Variants in MEI4 observed in about 807,000 individuals in gnomAD.
MEI4 encodes the protein meiotic double-stranded break formation protein 4, also known as meiosis-specific protein MEI4.
MEI4 carries 27 observed loss-of-function variants against 31.4 expected under a neutral mutation model. The observed-to-expected ratio is 0.86, with a 90% CI of 0.63 to 1.19. The LOEUF (loss-of-function observed/expected upper bound fraction) is 1.19. Ranked by LOEUF, MEI4 falls within the 50% of genes most tolerant of loss-of-function variation. The pLI is 0.00. For missense variants in MEI4, 329 were observed against 398.9 expected (o/e 0.82, Z 1.49); for synonymous variants, 122 against 145.4 (o/e 0.84, Z 1.16).
intron 4 of MEI4, among the ~76,000 whole-genome samples, chr6:77,851,016 G>A (rs1770604029): frequency 6.6e-6 from 1 of 152,160 alleles, no homozygotes; most frequent in Admixed American, 6.5e-5. Flanking sequence ...CATTTATGCA[G>A]CCAAAAGACA....
chr6:77,651,184 A>T (rs1401212689), upstream of MEI4, among the ~76,000 whole-genome samples: 1 of 152,190 alleles, frequency 6.6e-6, no homozygotes, highest in African/African-American at 2.4e-5. Flanking sequence ...TTAAGGAGGG[A>T]TAAGAAACAT....
intron 1 of MEI4, among the ~76,000 whole-genome samples, chr6:77,683,503 T>G (rs1307670092): frequency 6.6e-6 from 1 of 152,136 alleles, no homozygotes; most frequent in Non-Finnish European, 1.5e-5. Context: ...TCTCTGGAAG[T>G]TATTCATCTT....
chr6:77,838,014 T>A (rs1234809443), intron 4 of MEI4, among the ~76,000 whole-genome samples: 2 of 152,290 alleles, frequency 1.3e-5, no homozygotes, highest in East Asian at 3.9e-4. Context: ...GTAATCATAT[T>A]TGCATTTAGC....
At chr6:77,911,310 AACTTTT>A (rs1167763942) in intron 4 of MEI4, among the ~76,000 whole-genome samples, 2 of 151,776 alleles carry the variant, frequency 1.3e-5, no homozygotes, top group Non-Finnish European at 2.9e-5. Context: ...TTTGTTTTCT[AACTTTT>A]ACTTTAGCTT....
intron 4 of MEI4, among the ~76,000 whole-genome samples, chr6:77,898,745 C>T (rs745966196): frequency 2.0e-5 from 3 of 151,968 alleles, no homozygotes; most frequent in Non-Finnish European, 4.4e-5. Flanking sequence ...ACAAGTTGAA[C>T]CTCAAATATA....
At chr6:77,759,050 A>G (rs1365699591) in intron 2 of MEI4, among the ~76,000 whole-genome samples, 2 of 151,982 alleles carry the variant, frequency 1.3e-5, no homozygotes, top group Non-Finnish European at 2.9e-5. Flanking sequence ...TGAAGCTGCT[A>G]TGAATGAGGT....
chr6:77,728,012 C>T (rs1766870257), intron 2 of MEI4, among the ~76,000 whole-genome samples: 1 of 152,188 alleles, frequency 6.6e-6, no homozygotes, highest in Non-Finnish European at 1.5e-5. Flanking sequence ...TTATAAGTTG[C>T]ACAGTACCTA....
intron 3 of MEI4, among the ~76,000 whole-genome samples, chr6:77,803,535 G>A (rs995414604): frequency 1.3e-5 from 2 of 152,172 alleles, no homozygotes; most frequent in Non-Finnish European, 2.9e-5. Context: ...TCCTTTGGTG[G>A]AGAAGAGGCA....
At chr6:77,840,512 A>G (rs1770332759) in intron 4 of MEI4, among the ~76,000 whole-genome samples, 1 of 152,206 alleles carries the variant, frequency 6.6e-6, no homozygotes, top group Non-Finnish European at 1.5e-5. Context: ...AGCCATGAAC[A>G]TAATAAACTC....
At chr6:77,835,453 A>AG in intron 4 of MEI4, among the ~76,000 whole-genome samples, 1 of 151,810 alleles carries the variant, frequency 6.6e-6, no homozygotes, top group Middle Eastern at 3.4e-3. Context: ...ACAGAAAAAA[A>AG]GGAAAAAATG....
chr6:77,875,798 G>T (rs1396390055), intron 4 of MEI4, among the ~76,000 whole-genome samples: 1 of 152,130 alleles, frequency 6.6e-6, no homozygotes, highest in Non-Finnish European at 1.5e-5. Flanking sequence ...CATGAGAGAT[G>T]CATATACCCT....
chr6:77,842,293 CA>C (rs1358359665), intron 4 of MEI4, among the ~76,000 whole-genome samples: 1 of 152,024 alleles, frequency 6.6e-6, no homozygotes, highest in East Asian at 1.9e-4. Context: ...TGGAAATAAA[CA>C]GTACATTTCT....
chr6:77,817,949 G>GT (rs1263586284), intron 3 of MEI4, among the ~76,000 whole-genome samples: 3 of 152,000 alleles, frequency 2.0e-5, no homozygotes, highest in African/African-American at 7.2e-5. Flanking sequence ...TCCATTATTT[G>GT]TTTTTTTGGC....
intron 2 of MEI4, among the ~76,000 whole-genome samples, chr6:77,715,882 C>T (rs1208403136): frequency 2.0e-5 from 3 of 150,622 alleles, no homozygotes; most frequent in South Asian, 2.1e-4. Flanking sequence ...GAAAATTGGC[C>T]GGTTACAATT....
chr6:77,685,060 G>A (rs943318354), intron 1 of MEI4, among the ~76,000 whole-genome samples: 8 of 152,122 alleles, frequency 5.3e-5, no homozygotes, highest in Non-Finnish European at 1.0e-4. Context: ...GGGATGAGAC[G>A]ATATCTAATT....
intron 4 of MEI4, among the ~76,000 whole-genome samples, chr6:77,910,052 G>A (rs565801405): frequency 1.4e-4 from 21 of 152,194 alleles, no homozygotes; most frequent in East Asian, 1.4e-3. Context: ...TTGATGGGAC[G>A]TATCTCAAAA....
At chr6:77,736,308 C>G (rs1289490660) in intron 2 of MEI4, among the ~76,000 whole-genome samples, 2 of 151,974 alleles carry the variant, frequency 1.3e-5, no homozygotes, top group Admixed American at 1.3e-4. Context: ...GTATTACCCT[C>G]CGAGCCATGT....
At chr6:77,702,936 G>C (rs143532933) in intron 2 of MEI4, among the ~76,000 whole-genome samples, 142 of 152,052 alleles carry the variant, frequency 9.3e-4, no homozygotes, top group African/African-American at 3.2e-3. Flanking sequence ...ATGCAGTTTC[G>C]ATACCACTTT....
intron 1 of MEI4, among the ~76,000 whole-genome samples, chr6:77,667,815 A>C (rs1175595959): frequency 6.6e-6 from 1 of 152,138 alleles, no homozygotes; most frequent in Non-Finnish European, 1.5e-5. Context: ...ATTCAGAATC[A>C]TGAGAGCAAG....
Sources: gnomAD v4.1 joint callset for allele counts (sites outside exome capture counted in the v4.1 genomes callset) on GRCh38, gnomAD v4.1.1 for gene constraint, MANE v1.5 for transcripts, NCBI Gene and HGNC (gene_info 2026-07-23, HGNC 2026-07-21) for gene names.